SERPINE2: variants seen among roughly 807,000 people sequenced by gnomAD.
SERPINE2 encodes serpin family E member 2.
In SERPINE2, 14 loss-of-function variants were observed where a neutral mutation model predicts 36.3. The observed-to-expected ratio is 0.39, with a 90% CI of 0.25 to 0.60. The LOEUF (loss-of-function observed/expected upper bound fraction) is 0.60. Ranked by LOEUF, SERPINE2 falls within the 20% of genes least tolerant of loss-of-function variation. The pLI is 0.57. For missense variants in SERPINE2, 418 were observed against 499.6 expected (o/e 0.84, Z 1.56); for synonymous variants, 192 against 191.8 (o/e 1.00, Z -0.01).
chr2:224,038,853 G>C (rs991502083), intron 1 of SERPINE2: 36 of 262,692 alleles, frequency 1.4e-4, no homozygotes, highest in Middle Eastern at 1.1e-3. Context: ...GGTCCCGCTC[G>C]GGGCTCCCGG....
intron 4 of SERPINE2, among the ~76,000 whole-genome samples, chr2:223,990,341 T>C (rs892299600): frequency 6.6e-6 from 1 of 152,206 alleles, no homozygotes; most frequent in Non-Finnish European, 1.5e-5. Context: ...AAAACACACA[T>C]GTATATTCCT....
intron 1 of SERPINE2, among the ~76,000 whole-genome samples, chr2:224,024,932 T>C (rs955223921): frequency 6.6e-6 from 1 of 152,214 alleles, no homozygotes; most frequent in African/African-American, 2.4e-5. Context: ...TTGCATTTTA[T>C]AGGGGAGAAC....
intron 1 of SERPINE2, among the ~76,000 whole-genome samples, chr2:224,012,086 T>G (rs1437431272): frequency 6.6e-6 from 1 of 152,204 alleles, no homozygotes; most frequent in Non-Finnish European, 1.5e-5. Flanking sequence ...ACTACTGGTC[T>G]GCTTGTTAAC....
Position 223,984,408 on chromosome 2 carries a change from A to G in SERPINE2, c.884+344T>C, listed in dbSNP as rs372563111. On this transcript the variant is annotated intron_variant, in intron 5 of 8. Coordinates refer to ENST00000409304, the MANE Select transcript of SERPINE2 (RefSeq NM_001136528.2). ...TTCTATTAAACCTCACTGTACTTTC[A>G]TCCATACTATGATGACACACGTGTG... Among the ~76,000 whole-genome samples, 5 of 152,194 alleles carry G rather than the reference A, an allele frequency of 3.3e-5. No homozygotes were observed. The East Asian group carries it at 7.7e-4, about 23-fold the overall frequency.
intron 1 of SERPINE2, among the ~76,000 whole-genome samples, chr2:224,015,235 C>G (rs1691762005): frequency 6.6e-6 from 1 of 152,210 alleles, no homozygotes; most frequent in South Asian, 2.1e-4. Flanking sequence ...CGTCTTATTA[C>G]TTGATATTTA....
intron 1 of SERPINE2, chr2:224,013,884 G>C (rs920782876): frequency 1.3e-5 from 2 of 152,296 alleles, no homozygotes; most frequent in Admixed American, 1.3e-4. Flanking sequence ...AGGAGGTTCA[G>C]TGTAGTGTGT....
At chr2:223,976,569 A>C (rs922719740) in intron 8 of SERPINE2, among the ~76,000 whole-genome samples, 3 of 152,274 alleles carry the variant, frequency 2.0e-5, no homozygotes, top group Admixed American at 6.5e-5. Flanking sequence ...GAGATAAGAG[A>C]ATAAGGAACT....
intron 4 of SERPINE2, among the ~76,000 whole-genome samples, chr2:223,991,200 C>G (rs970195644): frequency 6.6e-6 from 1 of 152,036 alleles, no homozygotes; most frequent in Non-Finnish European, 1.5e-5. Flanking sequence ...TGATCACATA[C>G]GTTCCACTGT....
intron 1 of SERPINE2, among the ~76,000 whole-genome samples, chr2:224,035,379 G>GTTTTTGTT (rs1553552089): frequency 4.0e-5 from 6 of 150,626 alleles, no homozygotes; most frequent in Middle Eastern, 3.4e-3. Context: ...GGTTTTTTTT[G>GTTTTTGTT]TTTTGTTTTT....
chr2:224,015,251 A>C (rs1308774727), intron 1 of SERPINE2, among the ~76,000 whole-genome samples: 1 of 152,068 alleles, frequency 6.6e-6, no homozygotes, highest in Non-Finnish European at 1.5e-5. Flanking sequence ...ATTTACTTTC[A>C]TTTTCACGTA....
chr2:224,037,726 A>T (rs1287618367), intron 1 of SERPINE2, among the ~76,000 whole-genome samples: 2 of 152,194 alleles, frequency 1.3e-5, no homozygotes, highest in Non-Finnish European at 2.9e-5. Context: ...TGGAAGTGAA[A>T]ATTAGCTTTT....
At chr2:224,016,774 C>CAGACTACTACTCAGTAATAAAGAGAAAT in intron 1 of SERPINE2, among the ~76,000 whole-genome samples, 1 of 152,170 alleles carries the variant, frequency 6.6e-6, no homozygotes, top group African/African-American at 2.4e-5. Flanking sequence ...ATCCACACCA[C>CAGACTACTACTCAGTAATAAAGAGAAAT]AGACTACTAC....
intron 4 of SERPINE2, among the ~76,000 whole-genome samples, chr2:223,985,897 CA>C (rs1172540003): frequency 2.0e-5 from 3 of 152,208 alleles, no homozygotes; most frequent in Non-Finnish European, 4.4e-5. Context: ...CAGCATTTCT[CA>C]AATGTTATTT....
At chr2:224,000,436 T>TAAATGA in intron 2 of SERPINE2, among the ~76,000 whole-genome samples, 1 of 152,218 alleles carries the variant, frequency 6.6e-6, no homozygotes, top group African/African-American at 2.4e-5. Context: ...GAAAGGTTTT[T>TAAATGA]CTTTAACTCA....
chr2:223,977,171 G>A (rs1331908856), intron 8 of SERPINE2, among the ~76,000 whole-genome samples: 5 of 152,134 alleles, frequency 3.3e-5, no homozygotes, highest in Non-Finnish European at 5.9e-5. Context: ...CTTCATAGCA[G>A]GGTGAGAACA....
chr2:224,005,986 G>A (rs1574834183), intron 1 of SERPINE2, among the ~76,000 whole-genome samples: 1 of 152,170 alleles, frequency 6.6e-6, no homozygotes, highest in Non-Finnish European at 1.5e-5. Context: ...TCCAATACGG[G>A]GAATGTTTAT....
intron 1 of SERPINE2, among the ~76,000 whole-genome samples, chr2:224,017,347 T>G (rs2106186873): frequency 6.6e-6 from 1 of 152,304 alleles, no homozygotes; most frequent in Non-Finnish European, 1.5e-5. Flanking sequence ...AAAATTTTAG[T>G]CAGCAAACAA....
At chr2:224,035,286 C>T (rs1692494897) in intron 1 of SERPINE2, among the ~76,000 whole-genome samples, 1 of 152,226 alleles carries the variant, frequency 6.6e-6, no homozygotes, top group Non-Finnish European at 1.5e-5. Flanking sequence ...AACCAGAAAG[C>T]AACCTACCTC....
At chr2:223,987,460 T>C (rs11695790) in intron 4 of SERPINE2, among the ~76,000 whole-genome samples, 57,668 of 151,970 alleles carry the variant, frequency 0.38, 12,509 homozygotes, top group Non-Finnish European at 0.48. Flanking sequence ...CCCAGAGCTT[T>C]TCCCTTTAAA....
Sources: gnomAD v4.1 joint callset for allele counts (sites outside exome capture counted in the v4.1 genomes callset) on GRCh38, gnomAD v4.1.1 for gene constraint, MANE v1.5 for transcripts, NCBI Gene and HGNC (gene_info 2026-07-23, HGNC 2026-07-21) for gene names.